The following ASTN2 variants were observed in gnomAD, a reference collection of about 807,000 sequenced individuals.
ASTN2 encodes the protein astrotactin 2.
Under a neutral mutation model 139.8 loss-of-function variants are expected in ASTN2, and 54 were observed. The ratio of observed to expected loss-of-function variants is 0.39; its 90% CI spans 0.31 to 0.48. The LOEUF (loss-of-function observed/expected upper bound fraction) is 0.48, where lower values mean the gene tolerates loss of function less well. Among genes scored for constraint, ASTN2 ranks in the 20% least tolerant of loss-of-function variants. The pLI is 0.95. For missense variants in ASTN2, 1,565 were observed against 1,725.1 expected (o/e 0.91, Z 1.64); for synonymous variants, 756 against 719.5 (o/e 1.05, Z -0.81).
intron 2 of ASTN2, among the ~76,000 whole-genome samples, chr9:117,272,023 G>T (rs1470648049): frequency 4.6e-5 from 7 of 152,160 alleles, no homozygotes; most frequent in African/African-American, 1.4e-4. Flanking sequence ...CTCTGTGGGG[G>T]CTCCAACCCC....
chr9:116,755,581 A>G (rs1829512562), intron 13 of ASTN2, among the ~76,000 whole-genome samples: 1 of 152,224 alleles, frequency 6.6e-6, no homozygotes, highest in South Asian at 2.1e-4. Flanking sequence ...TTAGCCTCCA[A>G]AACTATGAAA....
intron 13 of ASTN2, among the ~76,000 whole-genome samples, chr9:116,766,057 T>G (rs1279391693): frequency 6.6e-6 from 1 of 152,166 alleles, no homozygotes; most frequent in Non-Finnish European, 1.5e-5. Context: ...AAAGAAAATG[T>G]ATCTAAGGTG....
chr9:116,651,138 A>C (rs1857889121), intron 17 of ASTN2, among the ~76,000 whole-genome samples: 1 of 151,922 alleles, frequency 6.6e-6, no homozygotes, highest in African/African-American at 2.4e-5. Context: ...GCTGCTCTCA[A>C]ACTCCTGACC....
At chr9:116,886,228 T>C (rs998022256) in intron 10 of ASTN2, among the ~76,000 whole-genome samples, 1 of 152,214 alleles carries the variant, frequency 6.6e-6, no homozygotes, top group African/African-American at 2.4e-5. Flanking sequence ...AGGCCACTAA[T>C]TGGCCTGCCT....
chr9:116,835,296 T>G (rs961934132), intron 11 of ASTN2, among the ~76,000 whole-genome samples: 1 of 152,152 alleles, frequency 6.6e-6, no homozygotes, highest in Non-Finnish European at 1.5e-5. Context: ...AATCTGGCTC[T>G]GGCATAACAT....
rs986708122 is a variant in ASTN2 at position 116,740,855 on chromosome 9, T to C, written c.2397-7332A>G. 1.7e-4 allele frequency among the ~76,000 whole-genome samples: 26 copies of C among 151,180 alleles called. 1 individual carries two copies. Among genetic ancestry groups the C allele is most frequent in the Non-Finnish European group, 1.0e-4 (7 of 67,898 alleles). ...TGCTAGCTTATTTTCCTGAATCCCA[T>C]ACTAGATTCTGAATCTCTCCAAGGA... On this transcript the variant is annotated intron_variant, in intron 13 of 22. Coordinates refer to ENST00000313400, the MANE Select transcript of ASTN2 (RefSeq NM_001365068.1).
intron 3 of ASTN2, among the ~76,000 whole-genome samples, chr9:117,173,921 C>G (rs1830852894): frequency 6.6e-6 from 1 of 151,226 alleles, no homozygotes; most frequent in Middle Eastern, 3.4e-3. Context: ...AACCTTTTAT[C>G]ACTACGTCTT....
chr9:116,746,375 C>T (rs1185022389), intron 13 of ASTN2, among the ~76,000 whole-genome samples: 1 of 152,112 alleles, frequency 6.6e-6, no homozygotes, highest in Non-Finnish European at 1.5e-5. Context: ...CTTGAGCCAC[C>T]ATGCCCGGCC....
chr9:117,069,280 C>A (rs1389713065), intron 5 of ASTN2, among the ~76,000 whole-genome samples: 1 of 108,332 alleles, frequency 9.2e-6, no homozygotes, highest in Non-Finnish European at 1.9e-5. Flanking sequence ...AGTAGTCACT[C>A]AGGAGCAGGT....
intron 17 of ASTN2, among the ~76,000 whole-genome samples, chr9:116,629,697 T>G (rs190997260): frequency 1.3e-5 from 2 of 152,278 alleles, no homozygotes; most frequent in African/African-American, 2.4e-5. Context: ...TAATTTCCCC[T>G]GTCAGGATAA....
chr9:116,978,431 A>C (rs1310414799), intron 7 of ASTN2, among the ~76,000 whole-genome samples: 1 of 151,696 alleles, frequency 6.6e-6, no homozygotes, highest in Non-Finnish European at 1.5e-5. Flanking sequence ...TTGTAATCAC[A>C]TTATCTCATT....
At chr9:117,031,616 A>G (rs531267556) in intron 6 of ASTN2, among the ~76,000 whole-genome samples, 2 of 152,280 alleles carry the variant, frequency 1.3e-5, no homozygotes, top group African/African-American at 4.8e-5. Flanking sequence ...TATAATACAG[A>G]AAAAAAGCAG....
chr9:116,840,987 A>G (rs1251945836), intron 11 of ASTN2, among the ~76,000 whole-genome samples: 1 of 152,058 alleles, frequency 6.6e-6, no homozygotes, highest in East Asian at 2.0e-4. Flanking sequence ...GCGGCCGGGC[A>G]GAGGCTGCAA....
At chr9:117,186,664 C>T (rs1831208398) in intron 3 of ASTN2, among the ~76,000 whole-genome samples, 1 of 152,174 alleles carries the variant, frequency 6.6e-6, no homozygotes. Context: ...TTAGGTAAGT[C>T]TTCCATTGAT....
intron 2 of ASTN2, among the ~76,000 whole-genome samples, chr9:117,241,071 C>G (rs983693222): frequency 1.3e-5 from 2 of 152,202 alleles, no homozygotes; most frequent in African/African-American, 4.8e-5. Context: ...GCCAGCTGCT[C>G]TTTCCAAGCC....
intron 13 of ASTN2, among the ~76,000 whole-genome samples, chr9:116,749,198 C>T (rs1047866511): frequency 6.6e-6 from 1 of 152,194 alleles, no homozygotes; most frequent in African/African-American, 2.4e-5. Context: ...CTGAAAATAG[C>T]AGGCTCTCAA....
chr9:116,823,874 G>A (rs1474713702), intron 11 of ASTN2, among the ~76,000 whole-genome samples: 2 of 152,144 alleles, frequency 1.3e-5, no homozygotes, highest in African/African-American at 4.8e-5. Flanking sequence ...GTGCCTTTGA[G>A]GATGAGTAGG....
chr9:116,693,116 A>G (rs1860656545), intron 16 of ASTN2, among the ~76,000 whole-genome samples: 1 of 152,170 alleles, frequency 6.6e-6, no homozygotes, highest in South Asian at 2.1e-4. Flanking sequence ...TAATACTAGT[A>G]CTAGTTATTG....
intron 4 of ASTN2, among the ~76,000 whole-genome samples, chr9:117,097,315 A>G (rs1828864865): frequency 6.6e-6 from 1 of 152,256 alleles, no homozygotes; most frequent in African/African-American, 2.4e-5. Context: ...CAATTATGCC[A>G]CAATACTAAT....
Sources: gnomAD v4.1 joint callset for allele counts (sites outside exome capture counted in the v4.1 genomes callset) on GRCh38, gnomAD v4.1.1 for gene constraint, MANE v1.5 for transcripts, NCBI Gene and HGNC (gene_info 2026-07-23, HGNC 2026-07-21) for gene names.